PLEKHO2: variants seen among roughly 807,000 people sequenced by gnomAD.
The protein encoded by PLEKHO2 is pleckstrin homology domain-containing family O member 2.
PLEKHO2 carries 20 observed loss-of-function variants against 32.7 expected under a neutral mutation model. The observed-to-expected ratio is 0.61, with a 90% CI of 0.43 to 0.89. The LOEUF (loss-of-function observed/expected upper bound fraction) is 0.89, where lower values mean the gene tolerates loss of function less well. PLEKHO2 is among the 40% of genes least tolerant of loss of function. The pLI, the probability that PLEKHO2 is intolerant of heterozygous loss-of-function variation, is 0.00. For missense variants in PLEKHO2, 568 were observed against 621.2 expected, an observed-to-expected ratio of 0.91 and a Z score of 0.91; for synonymous variants, 247 against 246.3, an observed-to-expected ratio of 1.00 and a Z score of -0.03.
chr15:64,860,832 C>T (rs990731870), intron 4 of PLEKHO2, among the ~76,000 whole-genome samples: 7 of 152,342 alleles, frequency 4.6e-5, no homozygotes, highest in African/African-American at 1.4e-4. Context: ...ATGGGCTGGG[C>T]CTCAGCCCAC....
rs560563034 is a variant in PLEKHO2 at position 64,865,005 on chromosome 15, G to A, written c.590G>A (p.Arg197Gln). Residue 197 changes from arginine to glutamine, a missense_variant, in exon 6 of 6, where the codon CGG (arginine) becomes CAG (glutamine). Coordinates refer to ENST00000323544, the MANE Select transcript of PLEKHO2 (RefSeq NM_025201.5). ...PSNHVSEAQP[R>Q]ETPRPLMPPT... ...AATCATGTCAGTGAAGCCCAACCTC[G>A]GGAGACACCCCGGCCCCTCATGCCT... 23 of 1,614,058 alleles carry A rather than the reference G, an allele frequency of 1.4e-5. No homozygotes were observed. In the South Asian group the frequency reaches 1.5e-4, roughly 11 times the overall value.
intron 2 of PLEKHO2, among the ~76,000 whole-genome samples, chr15:64,852,627 CT>C (rs1217070066): frequency 2.6e-4 from 38 of 144,940 alleles, no homozygotes; most frequent in Admixed American, 4.1e-4. Context: ...AGCAGTGGTT[CT>C]TTTTTTTTTT....
At chr15:64,848,850 C>T in intron 2 of PLEKHO2, 108 bp downstream of exon 2, 1 of 1,418,760 alleles carries the variant, frequency 7.0e-7, no homozygotes. Flanking sequence ...ACCTGCTCTA[C>T]TTTTGCCATG....
chr15:64,861,718 G>A, intron 5 of PLEKHO2, 143 bp downstream of exon 5: 1 of 603,830 alleles, frequency 1.7e-6, no homozygotes, highest in Middle Eastern at 2.7e-4. Context: ...GAAGTGATGG[G>A]GCACCTGTGT....
intron 2 of PLEKHO2, 33 bp downstream of exon 2, chr15:64,848,775 T>G (rs543063323): frequency 2.2e-5 from 35 of 1,612,882 alleles, no homozygotes; most frequent in Middle Eastern, 1.8e-4. Context: ...GATTGGGGGT[T>G]CTGGGACAGG....
Position 64,861,584 on chromosome 15 carries a change from T to A in PLEKHO2, c.483+9T>A. The A allele has an allele frequency of 6.3e-7, 1 of 1,581,178 alleles. No homozygotes were observed. The highest frequency in any genetic ancestry group is 8.6e-7 in the Non-Finnish European group (1 of 1,164,862). ...GAGTCCACCTGAAGGAGGTAGGGCC[T>A]TACCCAGTGTGGATGTTGGGGTTAG... On this transcript the variant is annotated intron_variant, in intron 5 of 5. Coordinates refer to ENST00000323544, the MANE Select transcript of PLEKHO2 (RefSeq NM_025201.5).
At position 64,851,969 on chromosome 15, in the gene PLEKHO2, G is replaced by A. The variant is rs1408389903; in HGVS notation, c.163-2952G>A. Among the ~76,000 whole-genome samples, 3 of 152,220 alleles carry A rather than the reference G, an allele frequency of 2.0e-5. No homozygotes were observed. The East Asian group carries it at 5.8e-4, about 29-fold the overall frequency. On this transcript the variant is annotated intron_variant, in intron 2 of 5. Coordinates refer to ENST00000323544, the MANE Select transcript of PLEKHO2 (RefSeq NM_025201.5). ...TTCCTGAGTTCTCAATCTGGATAAG[G>A]CACTCAGAAAACTGGTCCTACATAT...
intron 1 of PLEKHO2, among the ~76,000 whole-genome samples, chr15:64,843,066 G>T (rs62017291): frequency 0.089 from 13,556 of 152,202 alleles, 1,794 homozygotes; most frequent in African/African-American, 0.28. Context: ...ACCCTGGCCA[G>T]CTGGGAAGCC....
intron 1 of PLEKHO2, among the ~76,000 whole-genome samples, chr15:64,843,170 C>T (rs1429893545): frequency 6.6e-6 from 1 of 152,226 alleles, no homozygotes; most frequent in East Asian, 1.9e-4. Context: ...TCAGGGCTCC[C>T]TCTAGGCCAG....
At chr15:64,854,646 C>T (rs2084593457) in intron 2 of PLEKHO2, among the ~76,000 whole-genome samples, 1 of 152,216 alleles carries the variant, frequency 6.6e-6, no homozygotes, top group South Asian at 2.1e-4. Flanking sequence ...TCTAGCTTCC[C>T]CTCTGTTTCC....
intron 3 of PLEKHO2, among the ~76,000 whole-genome samples, chr15:64,858,241 G>A (rs887639511): frequency 1.3e-5 from 2 of 152,242 alleles, no homozygotes; most frequent in South Asian, 4.1e-4. Context: ...GCATTTGGCT[G>A]TGCCTGGCAT....
At chr15:64,863,378 G>A (rs1022275031) in intron 5 of PLEKHO2, among the ~76,000 whole-genome samples, 58 of 152,250 alleles carry the variant, frequency 3.8e-4, no homozygotes, top group African/African-American at 1.3e-3. Flanking sequence ...TGAGGGATAG[G>A]ATCCTGCAGA....
At chr15:64,854,462 GC>G (rs1389620879) in intron 2 of PLEKHO2, among the ~76,000 whole-genome samples, 2 of 152,310 alleles carry the variant, frequency 1.3e-5, no homozygotes, top group East Asian at 3.9e-4. Context: ...CCCCAAATTT[GC>G]CTTGTTCACA....
Position 64,865,988 on chromosome 15 carries a change from T to C in PLEKHO2, c.*100T>C, listed in dbSNP as rs1284320239. ...GTGCTTCTGCTTCTACAGCAATGGCTGCAGGAGGGCCATTGGGCATGTCAG... is the reference window on the plus strand; with the variant it reads ...GTGCTTCTGCTTCTACAGCAATGGCCGCAGGAGGGCCATTGGGCATGTCAG... On this transcript the variant is annotated 3_prime_UTR_variant, in exon 6 of 6. Coordinates refer to ENST00000323544, the MANE Select transcript of PLEKHO2 (RefSeq NM_025201.5). 1.5e-5 allele frequency: 21 copies of C among 1,398,220 alleles called. No individual in the cohort carries two copies. Among genetic ancestry groups the C allele is most frequent in the African/African-American group, 4.3e-5 (3 of 69,558 alleles). The allele number at this position is 1,398,220 out of a possible 1,614,324, so 86.6% of individuals were successfully genotyped here. A position where few individuals can be genotyped will look rare whatever the true frequency, so the allele number is the denominator to read the frequency against.
At chr15:64,849,737 C>T (rs1374138986) in intron 2 of PLEKHO2, among the ~76,000 whole-genome samples, 1 of 150,568 alleles carries the variant, frequency 6.6e-6, no homozygotes, top group Non-Finnish European at 1.5e-5. Context: ...GCCTGCGTGC[C>T]CAGCGGAGAG....
At chr15:64,852,861 A>G (rs2084578348) in intron 2 of PLEKHO2, among the ~76,000 whole-genome samples, 2 of 151,990 alleles carry the variant, frequency 1.3e-5, no homozygotes, top group Admixed American at 1.3e-4. Flanking sequence ...AACTGTTCGC[A>G]TCCAGGCCAG....
At position 64,867,423 on chromosome 15, in the gene PLEKHO2, C is replaced by T. The variant is rs368429552; in HGVS notation, c.*1535C>T. The T allele has an allele frequency of 1.5e-4, 23 of 152,446 alleles. No individual in the cohort carries two copies. The highest frequency in any genetic ancestry group is 8.3e-4 in the South Asian group (4 of 4,834). The allele number at this position is 152,446 out of a possible 1,614,324, so 9.4% of individuals were successfully genotyped here. A position where few individuals can be genotyped will look rare whatever the true frequency, so the allele number is the denominator to read the frequency against. ...AGAGGTGAGCAGCAATGCACTGGTT[C>T]GGGAGCCCCCATCAGCCTCCTTGTG... is the stretch of plus-strand genomic sequence containing the variant. On this transcript the variant is annotated 3_prime_UTR_variant, in exon 6 of 6. Coordinates refer to ENST00000323544, the MANE Select transcript of PLEKHO2 (RefSeq NM_025201.5).
chr15:64,843,876 A>T (rs1368534906), intron 1 of PLEKHO2, among the ~76,000 whole-genome samples: 2 of 152,202 alleles, frequency 1.3e-5, no homozygotes, highest in East Asian at 3.9e-4. Context: ...TATTGCACCC[A>T]GCCTATATTG....
intron 2 of PLEKHO2, among the ~76,000 whole-genome samples, chr15:64,852,131 C>T (rs544535744): frequency 3.2e-4 from 48 of 152,248 alleles, no homozygotes; most frequent in Middle Eastern, 3.4e-3. Context: ...CAGGACTCGG[C>T]TCCTAGCACC....
Sources: allele counts gnomAD v4.1 joint callset (sites outside exome capture counted in the v4.1 genomes callset), GRCh38; gene constraint gnomAD v4.1.1; transcripts MANE v1.5; gene names NCBI Gene and HGNC (gene_info 2026-07-23, HGNC 2026-07-21).